JMJD7: variants seen among roughly 807,000 people sequenced by gnomAD.
The protein encoded by JMJD7 is bifunctional peptidase and (3S)-lysyl hydroxylase JMJD7.
Under a neutral mutation model 41.1 loss-of-function variants are expected in JMJD7, and 41 were observed. That is an observed-to-expected ratio of 1.00 (90% CI 0.78 to 1.30). The LOEUF is 1.30. JMJD7 is among the 50% of genes most tolerant of loss of function. The probability of loss-of-function intolerance (pLI) is 0.00; values close to 1 mark genes in which losing one functional copy is unlikely to be tolerated. For synonymous variants in JMJD7, 202 were observed against 177.2 expected (o/e 1.14, Z -1.11); for missense variants, 480 against 420.7 (o/e 1.14, Z -1.23).
At chr15:41,835,700 G>A in intron 4 of JMJD7, 56 bp downstream of exon 4, 2 of 1,582,476 alleles carry the variant, frequency 1.3e-6, no homozygotes, top group South Asian at 1.1e-5. Context: ...CAGAGGGAGG[G>A]AAGACGAGGC....
At position 41,828,142 on chromosome 15, in the gene JMJD7, G is replaced by C; in HGVS notation, c.18G>C (p.Leu6Phe). 6.8e-7 allele frequency: 1 copy of C among 1,478,266 alleles called. No individual in the cohort carries two copies. Among genetic ancestry groups the C allele is most frequent in the Non-Finnish European group, 8.9e-7 (1 of 1,120,244 alleles). 91.6% of individuals were successfully genotyped at this position (1,478,266 alleles called of 1,614,324 possible). Residue 6 changes from leucine to phenylalanine, a missense_variant, in exon 1 of 8, where the codon TTG (leucine) becomes TTC (phenylalanine). By Grantham distance (22) the Leu-to-Phe change is conservative. Coordinates refer to ENST00000397299, the MANE Select transcript of JMJD7 (RefSeq NM_001114632.2). MAEAA[L>F]EAVRSELREF... ...ACGCAGCCATGGCGGAGGCGGCTTT[G>C]GAAGCCGTGCGGAGCGAGTTACGAG...
intron 3 of JMJD7, 47 bp downstream of exon 3, chr15:41,835,270 G>C: frequency 6.4e-7 from 1 of 1,566,186 alleles, no homozygotes; most frequent in South Asian, 1.1e-5. Flanking sequence ...GAAGATATGG[G>C]AAGGAGGGGG....
Position 41,837,063 on chromosome 15 carries a change from C to A in JMJD7, c.863-5C>A, listed in dbSNP as rs147725811. 8.7e-5 allele frequency: 141 copies of A among 1,612,626 alleles called. No homozygotes were observed. In the African/African-American group the frequency reaches 1.6e-3, roughly 19 times the overall value. On this transcript the variant is annotated splice_polypyrimidine_tract_variant and splice_region_variant and intron_variant, in intron 7 of 7. Transcript: ENST00000397299. Reference sequence around the variant, plus strand: ...TTCATGCTCAGATCCCCGTTCTTCCCACAGTGAATTTCTGGTATGACATGG... The same window carrying A: ...TTCATGCTCAGATCCCCGTTCTTCCAACAGTGAATTTCTGGTATGACATGG...
rs376357506 is a variant in JMJD7, at chr15:41,837,517, A to G, written c.*361A>G. ...TCGCGGGGCTGTTGTGGGCTTGGAG[A>G]TGATGTCTATGAGGACCAGCATGGA... On this transcript the variant is annotated 3_prime_UTR_variant, in exon 8 of 8. Coordinates refer to ENST00000397299, the MANE Select transcript of JMJD7 (RefSeq NM_001114632.2). The G allele has an allele frequency of 8.6e-4, 234 of 271,188 alleles. 1 individual carries two copies. The highest frequency in any genetic ancestry group is 5.0e-3 in the African/African-American group (227 of 45,096). The allele number at this position is 271,188 out of a possible 1,614,324, so 16.8% of individuals were successfully genotyped here.
chr15:41,834,650 C>T (rs750551810), intron 1 of JMJD7, 90 bp from the exon 2 acceptor site: 82 of 1,541,692 alleles, frequency 5.3e-5, no homozygotes, highest in African/African-American at 1.2e-4. Context: ...AGTGACACAG[C>T]GCGGCCTTTC....
intron 1 of JMJD7, among the ~76,000 whole-genome samples, chr15:41,830,359 T>G (rs1028498553): frequency 6.6e-6 from 1 of 152,236 alleles, no homozygotes; most frequent in African/African-American, 2.4e-5. Context: ...CTCATTTGTT[T>G]GGGGTGGTCA....
intron 1 of JMJD7, among the ~76,000 whole-genome samples, chr15:41,833,846 TC>T (rs2065269701): frequency 1.3e-5 from 2 of 152,252 alleles, no homozygotes; most frequent in South Asian, 2.1e-4. Flanking sequence ...GGAAGTCTTA[TC>T]AATGTGATAT....
At chr15:41,833,122 C>T (rs1209658322) in intron 1 of JMJD7, among the ~76,000 whole-genome samples, 2 of 152,122 alleles carry the variant, frequency 1.3e-5, no homozygotes, top group Non-Finnish European at 2.9e-5. Flanking sequence ...ATTGTATTTT[C>T]AGAAGATGAC....
In JMJD7 at chr15:41,834,737, CAG is replaced by C. The variant is rs945988709; in HGVS notation, c.65_66del. 1.9e-6 allele frequency: 3 copies of C among 1,613,640 alleles called. No individual in the cohort carries two copies. Among genetic ancestry groups the C allele is most frequent in the Non-Finnish European group, 2.5e-6 (3 of 1,179,774 alleles). On this transcript the variant is annotated splice_acceptor_variant, in intron 1 of 7. Coordinates refer to ENST00000397299, the MANE Select transcript of JMJD7 (RefSeq NM_001114632.2). LOFTEE classifies it high-confidence loss of function. ...CCATCCCCTGTCTTCTTCTTTCTCT[CAG>C]AGCTCTGCGTGCCTCTTGCTGTGCC...
chr15:41,829,932 C>T (rs2065204810), intron 1 of JMJD7, among the ~76,000 whole-genome samples: 1 of 152,210 alleles, frequency 6.6e-6, no homozygotes, highest in Non-Finnish European at 1.5e-5. Context: ...GTCCCACCTC[C>T]TGAGGCAAGA....
intron 3 of JMJD7, 151 bp downstream of exon 3, chr15:41,835,374 C>G (rs117950630): frequency 6.6e-6 from 9 of 1,354,360 alleles, no homozygotes; most frequent in East Asian, 2.5e-5. Context: ...CAGGCCTTGA[C>G]TTAATCATAG....
chr15:41,835,196 C>T lies in JMJD7; in HGVS notation c.445C>T (p.His149Tyr). ...LPQLLPDLES[H>Y]VPWASEALGK... ...CCAGCTGCTGCCTGATCTGGAATCC[C>T]ATGTGCCCTGGGCCTCCGAAGCCCT... Residue 149 changes from histidine (H) to tyrosine (Y), a missense_variant, in exon 3 of 8, where the codon CAT (histidine) becomes TAT (tyrosine). By Grantham distance (83) the His-to-Tyr change is moderately conservative. Transcript: ENST00000397299. 2 of 1,600,994 alleles carry T rather than the reference C, an allele frequency of 1.2e-6. No homozygotes were observed. Among genetic ancestry groups the T allele is most frequent in the Non-Finnish European group, 1.7e-6 (2 of 1,179,860 alleles).
chr15:41,833,412 ATATTTTTTTTTT>A (rs2065260662), intron 1 of JMJD7, among the ~76,000 whole-genome samples: 1 of 41,924 alleles, frequency 2.4e-5, no homozygotes, highest in South Asian at 1.0e-3. Context: ...ATATATATAT[ATATTTTTTTTTT>A]TTTTTTTTTT....
At position 41,835,074 on chromosome 15, in the gene JMJD7, C is replaced by T. The variant is rs1318639513; in HGVS notation, c.323C>T (p.Pro108Leu). The change falls in exon 3 of 8, where the codon CCC becomes CTC. Residue 108 changes from proline to leucine, a missense_variant. Pro to Leu is a moderately conservative substitution (Grantham distance 98). Transcript: ENST00000397299. ...RFMMPAERRL[P>L]LSFVLDVLEG... Reference sequence around the variant, plus strand: ...ATGATGCCAGCTGAGCGCCGCCTGCCCCTGAGCTTCGTGCTGGATGTGCTG... The same window carrying T: ...ATGATGCCAGCTGAGCGCCGCCTGCTCCTGAGCTTCGTGCTGGATGTGCTG... The T allele has an allele frequency of 8.1e-6, 13 of 1,613,682 alleles. No individual in the cohort carries two copies. The highest frequency in any genetic ancestry group is 1.1e-5 in the South Asian group (1 of 91,088).
intron 1 of JMJD7, among the ~76,000 whole-genome samples, chr15:41,832,885 C>A (rs1007746750): frequency 1.3e-5 from 2 of 152,132 alleles, no homozygotes; most frequent in Non-Finnish European, 2.9e-5. Flanking sequence ...CAAAGCGAAG[C>A]CCTGTACACT....
In JMJD7 at chr15:41,828,117, A is replaced by T. The variant is rs538432571; in HGVS notation, c.-8A>T. The T allele has an allele frequency of 1.4e-6, 2 of 1,450,546 alleles. No individual in the cohort carries two copies. Among genetic ancestry groups the T allele is most frequent in the Non-Finnish European group, 1.8e-6 (2 of 1,104,404 alleles). The allele number at this position is 1,450,546 out of a possible 1,614,324, so 89.9% of individuals were successfully genotyped here. A position where few individuals can be genotyped will look rare whatever the true frequency, so the allele number is the denominator to read the frequency against. On this transcript the variant is annotated 5_prime_UTR_variant, in exon 1 of 8. Transcript: ENST00000397299. ...AAAGGCGGGGTCTCGGCCGGCGCTG[A>T]CGCAGCCATGGCGGAGGCGGCTTTG...
chr15:41,831,356 AT>A, intron 1 of JMJD7, among the ~76,000 whole-genome samples: 1 of 152,086 alleles, frequency 6.6e-6, no homozygotes, highest in Non-Finnish European at 1.5e-5. Context: ...CAGTTACAAT[AT>A]TTGATCTAAG....
chr15:41,828,625 C>T lies in JMJD7; in HGVS notation c.64+437C>T, dbSNP rs561115428. 4.9e-4 allele frequency: 79 copies of T among 162,220 alleles called. No homozygotes were observed. In the South Asian group the frequency reaches 0.011, roughly 24 times the overall value. 10.0% of individuals were successfully genotyped at this position (162,220 alleles called of 1,614,324 possible). On this transcript the variant is annotated intron_variant, in intron 1 of 7. Coordinates refer to ENST00000397299, the MANE Select transcript of JMJD7 (RefSeq NM_001114632.2). ...TGCTTGGTTTTTATTCCTTTTCTTT[C>T]TTTCTCTCTTCCCTCCTTCCTTCTT...
At chr15:41,830,276 TCA>T (rs1004359247) in intron 1 of JMJD7, among the ~76,000 whole-genome samples, 16 of 152,140 alleles carry the variant, frequency 1.1e-4, no homozygotes, top group African/African-American at 3.9e-4. Flanking sequence ...ACAAAAATAC[TCA>T]CACATGTGCA....
Sources: gnomAD v4.1 joint callset for allele counts (sites outside exome capture counted in the v4.1 genomes callset) on GRCh38, gnomAD v4.1.1 for gene constraint, MANE v1.5 for transcripts, NCBI Gene and HGNC (gene_info 2026-07-23, HGNC 2026-07-21) for gene names.